FLACC1: variants seen among roughly 807,000 people sequenced by gnomAD.
FLACC1 encodes flagellum-associated coiled-coil domain-containing protein 1.
A neutral mutation model predicts 62.8 loss-of-function variants in FLACC1; 66 were observed. The observed-to-expected ratio is 1.05, with a 90% CI of 0.86 to 1.29. The LOEUF (loss-of-function observed/expected upper bound fraction) is 1.29, where lower values mean the gene tolerates loss of function less well. Ranked by LOEUF, FLACC1 falls within the 50% of genes most tolerant of loss-of-function variation. FLACC1 has a pLI of 0.00. For synonymous variants in FLACC1, 156 were observed against 161.0 expected (o/e 0.97, Z 0.24); for missense variants, 452 against 489.1 (o/e 0.92, Z 0.71).
At chr2:201,314,878 T>A (rs183319624) in intron 9 of FLACC1, among the ~76,000 whole-genome samples, 1 of 152,328 alleles carries the variant, frequency 6.6e-6, no homozygotes, top group Non-Finnish European at 1.5e-5. Flanking sequence ...TAGGGCCCTA[T>A]CTTCAGCCTC....
upstream of FLACC1, among the ~76,000 whole-genome samples, chr2:201,357,714 C>T (rs929409886): frequency 6.6e-6 from 1 of 152,184 alleles, no homozygotes; most frequent in Admixed American, 6.5e-5. Flanking sequence ...AAACTCTAGA[C>T]ACTTTTTTCC....
rs565137792 is a variant in FLACC1, at chr2:201,305,923, A to G, written c.879+1596T>C. Among the ~76,000 whole-genome samples, 1,053 of 136,696 alleles carry G rather than the reference A, an allele frequency of 7.7e-3. 4 individuals are homozygous for G. Among genetic ancestry groups the G allele is most frequent in the Non-Finnish European group, 0.013 (824 of 63,754 alleles). 89.7% of individuals were successfully genotyped at this position (136,696 alleles called of 152,430 possible). A position where few individuals can be genotyped will look rare whatever the true frequency, so the allele number is the denominator to read the frequency against. On this transcript the variant is annotated intron_variant, in intron 11 of 14. Coordinates refer to ENST00000392257, the MANE Select transcript of FLACC1 (RefSeq NM_001127391.3). ...CACAGGTTGGGGAACACCACACACC[A>G]GGGCCAGTTGTGGGGTGGGGGGAGG...
intron 9 of FLACC1, among the ~76,000 whole-genome samples, chr2:201,316,046 C>A (rs943736605): frequency 2.0e-5 from 3 of 152,052 alleles, no homozygotes; most frequent in African/African-American, 7.2e-5. Context: ...CTCTGGGATA[C>A]AGCAAAGGCA....
chr2:201,343,981 C>A (rs527511448), intron 6 of FLACC1, among the ~76,000 whole-genome samples, 189 bp downstream of exon 6: 255 of 152,322 alleles, frequency 1.7e-3, no homozygotes, highest in Non-Finnish European at 3.2e-3. Flanking sequence ...AACTTGAGTT[C>A]TTGGAATTAC....
intron 7 of FLACC1, among the ~76,000 whole-genome samples, chr2:201,335,959 T>C (rs1392720896): frequency 6.6e-6 from 1 of 151,712 alleles, no homozygotes; most frequent in Admixed American, 6.5e-5. Context: ...CTTCTTAATT[T>C]CTTTTTTAGA....
At position 201,326,615 on chromosome 2, in the gene FLACC1, G is replaced by C. The variant is rs1950505366; in HGVS notation, c.675+3855C>G. ...ACTTAGGAATGTACTTAACCAAGGA[G>C]GTGAAAGATCTCTACAAGGAGAACT... On this transcript the variant is annotated intron_variant, in intron 9 of 14. Transcript: ENST00000392257. The surrounding 1 kb of genome is among the most constrained non-coding windows in gnomAD (Gnocchi z 4.1). 6.6e-6 allele frequency among the ~76,000 whole-genome samples: 1 copy of C among 152,050 alleles called. No homozygotes were observed. Among genetic ancestry groups the C allele is most frequent in the Non-Finnish European group, 1.5e-5 (1 of 67,990 alleles).
In FLACC1 at chr2:201,346,200, T is replaced by A. The variant is rs6717539; in HGVS notation, c.368+342A>T. On this transcript the variant is annotated intron_variant, in intron 5 of 14. Coordinates refer to ENST00000392257, the MANE Select transcript of FLACC1 (RefSeq NM_001127391.3). The surrounding 1 kb of genome is among the most constrained non-coding windows in gnomAD (Gnocchi z 4.0). The stretch of plus-strand genomic sequence containing the variant: ...GTGCACTCCAGCCACCCAGAAACCC[T>A]CACTTTACTTAATTTGCATGCCTCA... Among the ~76,000 whole-genome samples, 4,265 of 151,872 alleles carry A rather than the reference T, an allele frequency of 0.028. 200 individuals carry two copies. The highest frequency in any genetic ancestry group is 0.096 in the African/African-American group (3,990 of 41,402).
At chr2:201,358,230 AT>A (rs948001534), upstream of FLACC1, among the ~76,000 whole-genome samples, 9 of 151,674 alleles carry the variant, frequency 5.9e-5, no homozygotes, top group African/African-American at 1.5e-4. Context: ...AGCATAATTA[AT>A]TTTTTTTTCC....
At chr2:201,358,448 G>A (rs1287852285), upstream of FLACC1, among the ~76,000 whole-genome samples, 2 of 136,706 alleles carry the variant, frequency 1.5e-5, no homozygotes, top group Admixed American at 8.0e-5. Flanking sequence ...ACGGAGTCTC[G>A]CTCTGTCACC....
intron 3 of FLACC1, among the ~76,000 whole-genome samples, chr2:201,349,171 C>T (rs1260031676): frequency 6.6e-6 from 1 of 152,216 alleles, no homozygotes; most frequent in Non-Finnish European, 1.5e-5. Flanking sequence ...TTGTTACCTT[C>T]TTTGAGCTCA....
At chr2:201,322,736 G>A (rs1950429220) in intron 9 of FLACC1, among the ~76,000 whole-genome samples, 1 of 152,096 alleles carries the variant, frequency 6.6e-6, no homozygotes, top group Non-Finnish European at 1.5e-5. Flanking sequence ...TGGATCCAAA[G>A]TAGGACGAAC....
At chr2:201,307,462 T>G in intron 11 of FLACC1, 57 bp downstream of exon 11, 1 of 1,312,656 alleles carries the variant, frequency 7.6e-7, no homozygotes, top group Non-Finnish European at 1.1e-6. Flanking sequence ...ACCTGGGGAC[T>G]TGGGTGTACC....
In FLACC1 at chr2:201,326,814, GA is replaced by G. The variant is rs1199568557; in HGVS notation, c.675+3655del. ...ATCAACATTATTTTTCACAGAATTAGAAAAAAAGTTCTAAAATTCATATGGA... is the reference window on the plus strand; with the variant it reads ...ATCAACATTATTTTTCACAGAATTAGAAAAAAGTTCTAAAATTCATATGGA... On this transcript the variant is annotated intron_variant, in intron 9 of 14. Transcript: ENST00000392257. The surrounding 1 kb of genome is among the most constrained non-coding windows in gnomAD (Gnocchi z 4.1). Among the ~76,000 whole-genome samples, 2 of 151,936 alleles carry G rather than the reference GA, an allele frequency of 1.3e-5. No homozygotes were observed. The highest frequency in any genetic ancestry group is 1.9e-4 in the East Asian group (1 of 5,186).
chr2:201,359,449 G>T (rs1951166010), upstream of FLACC1, among the ~76,000 whole-genome samples: 1 of 152,170 alleles, frequency 6.6e-6, no homozygotes, highest in Non-Finnish European at 1.5e-5. Flanking sequence ...ATCACATATA[G>T]AGAGAGTATT....
chr2:201,325,348 T>TA, intron 9 of FLACC1, among the ~76,000 whole-genome samples: 1 of 150,306 alleles, frequency 6.7e-6, no homozygotes, highest in Non-Finnish European at 1.5e-5. Flanking sequence ...ACAAAAAATA[T>TA]AAAAAGATCA....
Position 201,288,466 on chromosome 2 carries a change from A to T in FLACC1, c.*189T>A. 1 of 577,854 alleles carries T rather than the reference A, an allele frequency of 1.7e-6. No homozygotes were observed. The highest frequency in any genetic ancestry group is 2.8e-6 in the Non-Finnish European group (1 of 358,116). 35.8% of individuals were successfully genotyped at this position (577,854 alleles called of 1,614,324 possible). ...CCCAGTATGGAGAGCATCATTTTTC[A>T]GTGAAGAGTCCGTGATAAGCTGTGA... On this transcript the variant is annotated 3_prime_UTR_variant, in exon 15 of 15. Transcript: ENST00000392257.
rs376751722 is a variant in FLACC1, at chr2:201,301,502, ACT to A, written c.880-2204_880-2203del. 1.1e-4 allele frequency among the ~76,000 whole-genome samples: 17 copies of A among 152,306 alleles called. No individual in the cohort carries two copies. In the East Asian group the frequency reaches 2.1e-3, roughly 19 times the overall value. The stretch of plus-strand genomic sequence containing the variant: ...GGAGAATGGAACCAAGTTGGAAAAC[ACT>A]CTGCAGGATATTATCCAGGAGAACT... On this transcript the variant is annotated intron_variant, in intron 11 of 14. Transcript: ENST00000392257.
intron 3 of FLACC1, 116 bp from the exon 4 acceptor site, chr2:201,348,418 T>C: frequency 9.4e-7 from 1 of 1,059,042 alleles, no homozygotes; most frequent in South Asian, 1.6e-5. Flanking sequence ...CTGACCTTCT[T>C]AGGGGATCCC....
intron 7 of FLACC1, among the ~76,000 whole-genome samples, chr2:201,335,181 A>C (rs987544962): frequency 6.6e-6 from 1 of 151,756 alleles, no homozygotes; most frequent in Non-Finnish European, 1.5e-5. Flanking sequence ...TCTCTATTTT[A>C]TTCTTAGTTT....
Sources: gnomAD v4.1 joint callset for allele counts (sites outside exome capture counted in the v4.1 genomes callset) on GRCh38, gnomAD v4.1.1 for gene constraint, Gnocchi (gnomAD v3.1) non-coding constraint, MANE v1.5 for transcripts, NCBI Gene and HGNC (gene_info 2026-07-23, HGNC 2026-07-21) for gene names.